Variants in CERKL observed in about 807,000 individuals in gnomAD.
CERKL encodes CERK like autophagy regulator.
A neutral mutation model predicts 63.4 loss-of-function variants in CERKL; 61 were observed. That is an observed-to-expected ratio of 0.96 (90% CI 0.78 to 1.19). CERKL has a LOEUF of 1.19. Ranked by LOEUF, CERKL falls within the 50% of genes most tolerant of loss-of-function variation. The pLI is 0.00. For missense variants in CERKL, 675 were observed against 655.5 expected, an observed-to-expected ratio of 1.03 and a Z score of -0.33; for synonymous variants, 250 against 230.5, an observed-to-expected ratio of 1.08 and a Z score of -0.77.
Position 181,596,854 on chromosome 2 carries a change from T to A in CERKL, c.481+6983A>T, listed in dbSNP as rs572286278. 4.6e-5 allele frequency among the ~76,000 whole-genome samples: 7 copies of A among 152,292 alleles called. No homozygotes were observed. The East Asian group carries it at 1.4e-3, about 29-fold the overall frequency. ...CTGGAACCCACTGAGACTTATTTTA[T>A]CAGAACCTCTCAATCCTCGGACTCA... On this transcript the variant is annotated intron_variant, in intron 2 of 12. Transcript: ENST00000410087.
At chr2:181,616,522 T>C (rs1686205640) in intron 1 of CERKL, among the ~76,000 whole-genome samples, 1 of 152,156 alleles carries the variant, frequency 6.6e-6, no homozygotes, top group African/African-American at 2.4e-5. Context: ...TAAATGTTAT[T>C]CTTTGAGCTT....
At position 181,656,783 on chromosome 2, in the gene CERKL, G is replaced by A. The variant is rs1391106748; in HGVS notation, c.224C>T (p.Pro75Leu). The change falls in exon 1 of 13, where the codon CCC becomes CTC. Residue 75 changes from proline (P) to leucine (L), a missense_variant. By Grantham distance (98) the Pro-to-Leu change is moderately conservative (BLOSUM62 -3). Transcript: ENST00000410087. ...ERALRWRPIQ[P>L]ERPAGDSKYD... ...CGGGCACTCACCCGCCGGGCGCTCG[G>A]GCTGAATGGGCCGCCACCGCAGTGC... The A allele has an allele frequency of 1.3e-6, 2 of 1,596,666 alleles. No individual in the cohort carries two copies. Among genetic ancestry groups the A allele is most frequent in the Non-Finnish European group, 1.7e-6 (2 of 1,170,842 alleles).
At chr2:181,630,199 A>T (rs1439924814) in intron 1 of CERKL, among the ~76,000 whole-genome samples, 1 of 151,926 alleles carries the variant, frequency 6.6e-6, no homozygotes, top group Non-Finnish European at 1.5e-5. Flanking sequence ...CACCAAGCCC[A>T]GCTAATTCCC....
chr2:181,572,339 G>A (rs1688939144), intron 3 of CERKL, among the ~76,000 whole-genome samples: 1 of 152,128 alleles, frequency 6.6e-6, no homozygotes, highest in South Asian at 2.1e-4. Flanking sequence ...ATCCAAGTAT[G>A]ATAGCTTATT....
chr2:181,654,192 T>C (rs1688059554), intron 1 of CERKL, among the ~76,000 whole-genome samples: 1 of 150,734 alleles, frequency 6.6e-6, no homozygotes, highest in Non-Finnish European at 1.5e-5. Context: ...AAAGCGCTGA[T>C]ACTTTGTGCC....
At chr2:181,612,877 C>T (rs1262740683) in intron 1 of CERKL, among the ~76,000 whole-genome samples, 1 of 151,900 alleles carries the variant, frequency 6.6e-6, no homozygotes, top group East Asian at 1.9e-4. Flanking sequence ...AAAGAAAAAG[C>T]AGTATTTTTC....
At chr2:181,628,326 C>A (rs565945167) in intron 1 of CERKL, among the ~76,000 whole-genome samples, 1 of 152,064 alleles carries the variant, frequency 6.6e-6, no homozygotes, top group Non-Finnish European at 1.5e-5. Context: ...TCGTACTTTA[C>A]CTATTGGGAG....
intron 10 of CERKL, among the ~76,000 whole-genome samples, chr2:181,547,151 A>T (rs1041170959): frequency 6.6e-6 from 1 of 151,814 alleles, no homozygotes; most frequent in Admixed American, 6.6e-5. Context: ...AGTCCATTAA[A>T]CCTCTTTCTT....
intron 1 of CERKL, among the ~76,000 whole-genome samples, chr2:181,616,954 TA>T (rs1314066731): frequency 2.0e-5 from 3 of 151,852 alleles, no homozygotes; most frequent in Non-Finnish European, 4.4e-5. Flanking sequence ...GTATACAGGG[TA>T]AAAACGATTT....
At position 181,547,742 on chromosome 2, in the gene CERKL, G is replaced by C. The variant is rs959802279; in HGVS notation, c.1160-16C>G. ...TCATTACAGTCTAAAGGTAATGAAA[G>C]TGATTGGTTATTTTCCCTCACCAGA... On this transcript the variant is annotated splice_polypyrimidine_tract_variant and intron_variant, in intron 9 of 12. Coordinates refer to ENST00000410087, the MANE Select transcript of CERKL (RefSeq NM_201548.5). 1 of 1,613,286 alleles carries C rather than the reference G, an allele frequency of 6.2e-7. No homozygotes were observed. Among genetic ancestry groups the C allele is most frequent in the Non-Finnish European group, 8.5e-7 (1 of 1,179,228 alleles).
intron 1 of CERKL, among the ~76,000 whole-genome samples, chr2:181,637,386 T>C (rs1307178650): frequency 4.6e-5 from 7 of 152,166 alleles, no homozygotes. Flanking sequence ...ACAATCCAAA[T>C]TTCTCCAACA....
At chr2:181,600,109 T>C (rs1410457178) in intron 2 of CERKL, among the ~76,000 whole-genome samples, 1 of 152,158 alleles carries the variant, frequency 6.6e-6, no homozygotes, top group Non-Finnish European at 1.5e-5. Context: ...CAAATTAAGC[T>C]TCATAAATGA....
rs564261104 is a variant in CERKL, at chr2:181,656,824, C to A, written c.183G>T (p.Val61=). The A allele has an allele frequency of 1.9e-6, 3 of 1,599,460 alleles. No homozygotes were observed. The highest frequency in any genetic ancestry group is 2.6e-6 in the Non-Finnish European group (3 of 1,170,118). The change falls in exon 1 of 13, where the codon GTG becomes GTT. Residue 61 remains valine (V), a synonymous_variant. Transcript: ENST00000410087. The part of the protein sequence containing the change: ...IFEIGRDSCD[V]VLSERALRWR... Reference sequence around the variant, plus strand: ...ACCGCAGTGCTCGCTCGCTCAGCACCACGTCACAACTGTCCCTCCCGATCT... The same window carrying A: ...ACCGCAGTGCTCGCTCGCTCAGCACAACGTCACAACTGTCCCTCCCGATCT...
At chr2:181,538,848 TAGAA>T (rs1473272851) in intron 12 of CERKL, among the ~76,000 whole-genome samples, 2 of 152,154 alleles carry the variant, frequency 1.3e-5, no homozygotes, top group Non-Finnish European at 2.9e-5. Flanking sequence ...AACAATAAAT[TAGAA>T]AGCCAATGTA....
chr2:181,547,083 G>A lies in CERKL; in HGVS notation c.1268+535C>T, dbSNP rs529325187. ...AGCTCTCTTGTCTGCCGCCATGTGA[G>A]ATGTGACTTTCATCTTCCACCATGA... On this transcript the variant is annotated intron_variant, in intron 10 of 12. Transcript: ENST00000410087. Among the ~76,000 whole-genome samples, 8 of 152,276 alleles carry A rather than the reference G, an allele frequency of 5.3e-5. No homozygotes were observed. In the South Asian group the frequency reaches 1.7e-3, roughly 32 times the overall value.
At chr2:181,544,604 C>T (rs1487257957) in intron 11 of CERKL, 96 bp downstream of exon 11, 1 of 706,892 alleles carries the variant, frequency 1.4e-6, no homozygotes, top group Non-Finnish European at 2.4e-6. Flanking sequence ...AAAATAAAAC[C>T]TTCTTATGAG....
chr2:181,565,375 C>CT, intron 4 of CERKL: 1 of 1,244,522 alleles, frequency 8.0e-7, no homozygotes, highest in South Asian at 1.2e-5. Context: ...CAGTCCAACA[C>CT]TTTAGCAAAT....
intron 12 of CERKL, 115 bp from the exon 13 acceptor site, chr2:181,538,359 C>T (rs1687305482): frequency 3.1e-6 from 2 of 648,544 alleles, no homozygotes; most frequent in African/African-American, 3.6e-5. Flanking sequence ...CACAGCATTC[C>T]CAACAGAGCT....
chr2:181,569,539 G>A (rs1688810509), intron 3 of CERKL, among the ~76,000 whole-genome samples: 1 of 152,118 alleles, frequency 6.6e-6, no homozygotes, highest in African/African-American at 2.4e-5. Context: ...AGGGGAAAAT[G>A]ATAACAAACA....
Sources: gnomAD v4.1 joint callset for allele counts (sites outside exome capture counted in the v4.1 genomes callset) on GRCh38, gnomAD v4.1.1 for gene constraint, MANE v1.5 for transcripts, NCBI Gene and HGNC (gene_info 2026-07-23, HGNC 2026-07-21) for gene names.